Variants in NCOA2 observed in about 807,000 individuals in gnomAD.
The protein encoded by NCOA2 is class E basic helix-loop-helix protein 75.
A neutral mutation model predicts 145.1 loss-of-function variants in NCOA2; 21 were observed. The ratio of observed to expected loss-of-function variants is 0.14; its 90% CI spans 0.10 to 0.21. The LOEUF is 0.21. Ranked by LOEUF, NCOA2 falls within the 10% of genes least tolerant of loss-of-function variation. The pLI, the probability that NCOA2 is intolerant of heterozygous loss-of-function variation, is 1.00. For synonymous variants in NCOA2, 619 were observed against 637.5 expected, an observed-to-expected ratio of 0.97 and a Z score of 0.44; for missense variants, 1,472 against 1,837.6, an observed-to-expected ratio of 0.80 and a Z score of 3.64.
intron 1 of NCOA2, among the ~76,000 whole-genome samples, chr8:70,383,403 GATTT>G (rs1812385901): frequency 1.3e-5 from 2 of 152,220 alleles, no homozygotes; most frequent in Non-Finnish European, 2.9e-5. Context: ...GTGTTACTGA[GATTT>G]ATAAATCATG....
intron 19 of NCOA2, 173 bp downstream of exon 19, chr8:70,126,640 T>C (rs964234277): frequency 2.7e-5 from 17 of 625,014 alleles, no homozygotes; most frequent in Middle Eastern, 4.3e-4. Context: ...TGTGCTGGAC[T>C]TGGGGACTCC....
chr8:70,194,056 C>G (rs1342257097), intron 4 of NCOA2, among the ~76,000 whole-genome samples: 11 of 152,208 alleles, frequency 7.2e-5, no homozygotes, highest in Admixed American at 5.9e-4. Flanking sequence ...ACTGGAAGAG[C>G]AGAATCCAAG....
rs548436381 is a variant in NCOA2, at chr8:70,300,148, A to G, written c.-76-3348T>C. 9.7e-4 allele frequency among the ~76,000 whole-genome samples: 147 copies of G among 152,276 alleles called. 2 individuals are homozygous for G. The highest frequency in any genetic ancestry group is 3.5e-3 in the African/African-American group (145 of 41,564). On this transcript the variant is annotated intron_variant, in intron 1 of 22. Transcript: ENST00000452400. ...CAGGATATGGAAATGGAAACTGACT[A>G]AAAATGGACACAAGATAACTTTGTG...
chr8:70,435,424 CAAAAAAAAAAAA>C, the NCOA2 span, among the ~76,000 whole-genome samples: 14 of 20,150 alleles, frequency 6.9e-4, no homozygotes, highest in Non-Finnish European at 8.3e-4. Context: ...GACTCCGTCT[CAAAAAAAAAAAA>C]AAAAAAAAAA....
intron 14 of NCOA2, among the ~76,000 whole-genome samples, chr8:70,138,941 G>A (rs1019621583): frequency 2.0e-5 from 3 of 152,256 alleles, no homozygotes; most frequent in African/African-American, 7.2e-5. Flanking sequence ...AGCCAACAGT[G>A]TTTTAGGATT....
At chr8:70,394,871 A>G (rs549807654) in intron 1 of NCOA2, among the ~76,000 whole-genome samples, 2 of 152,362 alleles carry the variant, frequency 1.3e-5, no homozygotes, top group African/African-American at 4.8e-5. Flanking sequence ...AATGTTGTCC[A>G]GCAACTAACT....
intron 2 of NCOA2, among the ~76,000 whole-genome samples, chr8:70,279,183 C>G (rs1197284326): frequency 6.6e-6 from 1 of 152,180 alleles, no homozygotes; most frequent in Non-Finnish European, 1.5e-5. Flanking sequence ...GCTCCCTCTT[C>G]TCACCACTGA....
intron 1 of NCOA2, among the ~76,000 whole-genome samples, chr8:70,390,627 C>T (rs1254349355): frequency 2.6e-5 from 4 of 151,502 alleles, no homozygotes; most frequent in Non-Finnish European, 5.9e-5. Flanking sequence ...ATTAGTCGGA[C>T]ATAGTGGCGC....
At chr8:70,414,701 A>G in the NCOA2 span, among the ~76,000 whole-genome samples, 2 of 152,350 alleles carry the variant, frequency 1.3e-5, no homozygotes, top group African/African-American at 2.4e-5. Flanking sequence ...TCTGGTTTCT[A>G]TAGAAAAACA....
chr8:70,385,780 A>G (rs1238193703), intron 1 of NCOA2, among the ~76,000 whole-genome samples: 7 of 152,202 alleles, frequency 4.6e-5, no homozygotes. Flanking sequence ...TGTTCCACAA[A>G]TTTTACAATT....
At chr8:70,299,558 AG>A (rs1243199818) in intron 1 of NCOA2, among the ~76,000 whole-genome samples, 1 of 152,248 alleles carries the variant, frequency 6.6e-6, no homozygotes, top group Non-Finnish European at 1.5e-5. Context: ...ATATACAATA[AG>A]GAAAAGTACA....
intron 4 of NCOA2, among the ~76,000 whole-genome samples, chr8:70,187,841 C>T (rs73684213): frequency 0.023 from 3,449 of 152,280 alleles, 128 homozygotes; most frequent in African/African-American, 0.078. Flanking sequence ...ATTTCTTCTT[C>T]TTTCAATTTA....
chr8:70,111,814 G>C lies in NCOA2; in HGVS notation c.*1818C>G, dbSNP rs1024268191. ...AAATAAACAAACAATCAAATTTCAAGGAAAAACTTCTCTGTTCCTAAAAAG... is the reference window on the plus strand; with the variant it reads ...AAATAAACAAACAATCAAATTTCAACGAAAAACTTCTCTGTTCCTAAAAAG... On this transcript the variant is annotated 3_prime_UTR_variant, in exon 23 of 23. Transcript: ENST00000452400. 1 of 218,502 alleles carries C rather than the reference G, an allele frequency of 4.6e-6. No individual in the cohort carries two copies. The highest frequency in any genetic ancestry group is 2.2e-5 in the African/African-American group (1 of 44,526). The allele number at this position is 218,502 out of a possible 1,614,324, so 13.5% of individuals were successfully genotyped here.
chr8:70,343,340 C>G (rs1042923581), intron 1 of NCOA2, among the ~76,000 whole-genome samples: 1 of 151,944 alleles, frequency 6.6e-6, no homozygotes, highest in Non-Finnish European at 1.5e-5. Flanking sequence ...AATATATGAA[C>G]CTTTCCACAC....
At position 70,291,842 on chromosome 8, in the gene NCOA2, G is replaced by A. The variant is rs553441775; in HGVS notation, c.-20+4902C>T. Among the ~76,000 whole-genome samples, 4 of 152,248 alleles carry A rather than the reference G, an allele frequency of 2.6e-5. No homozygotes were observed. The South Asian group carries it at 6.2e-4, about 24-fold the overall frequency. On this transcript the variant is annotated intron_variant, in intron 2 of 22. Coordinates refer to ENST00000452400, the MANE Select transcript of NCOA2 (RefSeq NM_006540.4). ...CGGGCGGGCGCAGTGGCTCACGCCT[G>A]TAATCCCAGCACTTTGGGAGGCCGA... is the stretch of plus-strand genomic sequence containing the variant.
chr8:70,274,307 T>C (rs1395159776), intron 2 of NCOA2, among the ~76,000 whole-genome samples: 1 of 152,136 alleles, frequency 6.6e-6, no homozygotes, highest in Non-Finnish European at 1.5e-5. Flanking sequence ...CTGATACATA[T>C]GAGCACCTGA....
intron 2 of NCOA2, among the ~76,000 whole-genome samples, chr8:70,235,149 A>T (rs781523488): frequency 5.3e-5 from 8 of 152,234 alleles, no homozygotes; most frequent in Non-Finnish European, 1.0e-4. Context: ...CTTAAAGAGG[A>T]GTATCGTACT....
the NCOA2 span, among the ~76,000 whole-genome samples, chr8:70,418,985 C>T: frequency 6.6e-6 from 1 of 151,840 alleles, no homozygotes; most frequent in South Asian, 2.1e-4. Flanking sequence ...GTGCTCTATT[C>T]AGTATGCTTC....
chr8:70,229,292 G>A (rs756199031), intron 2 of NCOA2, among the ~76,000 whole-genome samples: 78 of 152,302 alleles, frequency 5.1e-4, no homozygotes, highest in Non-Finnish European at 1.1e-3. Context: ...CTCATGAAAT[G>A]CAAGACTTAG....
Sources: allele counts gnomAD v4.1 joint callset (sites outside exome capture counted in the v4.1 genomes callset), GRCh38; gene constraint gnomAD v4.1.1; transcripts MANE v1.5; gene names NCBI Gene and HGNC (gene_info 2026-07-23, HGNC 2026-07-21).